The following SPIN1 variants were observed in gnomAD, a reference collection of about 807,000 sequenced individuals.
SPIN1 encodes the protein spindlin-1.
SPIN1 carries 3 observed loss-of-function variants against 26.0 expected under a neutral mutation model. That is an observed-to-expected ratio of 0.12 (90% CI 0.05 to 0.30). The LOEUF (loss-of-function observed/expected upper bound fraction) is 0.30, where lower values mean the gene tolerates loss of function less well. Ranked by LOEUF, SPIN1 falls within the 10% of genes least tolerant of loss-of-function variation. SPIN1 has a pLI of 1.00. For missense variants in SPIN1, 126 were observed against 333.4 expected, an observed-to-expected ratio of 0.38 and a Z score of 4.84; for synonymous variants, 101 against 116.5, an observed-to-expected ratio of 0.87 and a Z score of 0.86.
chr9:88,404,699 T>C (rs1827257248), intron 1 of SPIN1, among the ~76,000 whole-genome samples: 1 of 152,040 alleles, frequency 6.6e-6, no homozygotes, highest in South Asian at 2.1e-4. Flanking sequence ...GCAGATCACC[T>C]GAGGTCAGGA....
chr9:88,414,815 C>G (rs969398836), intron 1 of SPIN1, among the ~76,000 whole-genome samples: 8 of 152,290 alleles, frequency 5.3e-5, no homozygotes, highest in South Asian at 4.2e-4. Flanking sequence ...TTTCTCCTGT[C>G]CAAATCCATG....
At chr9:88,411,456 T>A (rs557376718) in intron 1 of SPIN1, 581 of 1,281,504 alleles carry the variant, frequency 4.5e-4, no homozygotes, top group Non-Finnish European at 2.8e-4. Context: ...GACTTGTGAC[T>A]TAGACATGAT....
At chr9:88,431,585 C>A (rs10868779) in intron 2 of SPIN1, among the ~76,000 whole-genome samples, 29,226 of 152,166 alleles carry the variant, frequency 0.19, 3,700 homozygotes, top group African/African-American at 0.36. Flanking sequence ...CCACTGTGCC[C>A]AGCTTTGAAT....
In SPIN1 at chr9:88,411,501, C is replaced by T. The variant is rs988074948; in HGVS notation, c.-158-14881C>T. ...AAGAGAGACTTTAATGATGCTTCAG[C>T]GTCATCCATGGGCAGAAAGCTTTTT... is the stretch of plus-strand genomic sequence containing the variant. On this transcript the variant is annotated intron_variant, in intron 1 of 5. Transcript: ENST00000375859. The T allele has an allele frequency of 1.3e-4, 108 of 828,206 alleles. No individual in the cohort carries two copies. In the Admixed American group the frequency reaches 2.3e-3, roughly 17 times the overall value. 51.3% of individuals were successfully genotyped at this position (828,206 alleles called of 1,614,324 possible). A position where few individuals can be genotyped will look rare whatever the true frequency, so the allele number is the denominator to read the frequency against.
At chr9:88,439,951 T>TTTA (rs1828085561) in intron 2 of SPIN1, among the ~76,000 whole-genome samples, 1 of 152,176 alleles carries the variant, frequency 6.6e-6, no homozygotes, top group South Asian at 2.1e-4. Flanking sequence ...AATTGGTATA[T>TTTA]TTAGATCAGT....
chr9:88,458,570 G>A (rs146514206), intron 3 of SPIN1, among the ~76,000 whole-genome samples: 2 of 152,150 alleles, frequency 1.3e-5, no homozygotes, highest in East Asian at 1.9e-4. Flanking sequence ...CTGCTAACAG[G>A]TGTGGGAGGG....
intron 1 of SPIN1, among the ~76,000 whole-genome samples, chr9:88,423,825 G>A (rs146322974): frequency 0.021 from 3,112 of 151,660 alleles, 34 homozygotes; most frequent in Non-Finnish European, 0.03. Flanking sequence ...GAGTGCAGTG[G>A]TGTGATCTTG....
Position 88,426,568 on chromosome 9 carries a change from G to C in SPIN1, c.29G>C (p.Gly10Ala). ...AAGACCCCATTCGGAAAGACACCTGGCCAGCGGTCCAGAGCTGATGCAGGT... is the reference window on the plus strand; with the variant it reads ...AAGACCCCATTCGGAAAGACACCTGCCCAGCGGTCCAGAGCTGATGCAGGT... MKTPFGKTP[G>A]QRSRADAGHA... The change falls in exon 2 of 6, where the codon GGC becomes GCC. Residue 10 changes from glycine (G) to alanine (A), a missense_variant. This residue lies in a region of SPIN1 where 63 missense variants were observed against 101.3 expected (regional missense o/e 0.62). Transcript: ENST00000375859. 1.2e-6 allele frequency: 2 copies of C among 1,613,698 alleles called. No homozygotes were observed. Among genetic ancestry groups the C allele is most frequent in the Non-Finnish European group, 1.7e-6 (2 of 1,179,760 alleles).
At chr9:88,471,675 A>AAAAAG in intron 5 of SPIN1, among the ~76,000 whole-genome samples, 1 of 151,274 alleles carries the variant, frequency 6.6e-6, no homozygotes, top group African/African-American at 2.4e-5. Flanking sequence ...AAAAAAAAAA[A>AAAAAG]AAAAGAAAAT....
intron 1 of SPIN1, among the ~76,000 whole-genome samples, chr9:88,415,115 A>G (rs1442427979): frequency 6.6e-6 from 1 of 152,108 alleles, no homozygotes; most frequent in Non-Finnish European, 1.5e-5. Context: ...CGTGTTAGCC[A>G]GGATGGTCTC....
chr9:88,448,439 C>T (rs1286053857), intron 2 of SPIN1, among the ~76,000 whole-genome samples: 1 of 152,144 alleles, frequency 6.6e-6, no homozygotes, highest in Non-Finnish European at 1.5e-5. Flanking sequence ...GCAACCTCGA[C>T]TTCCTGGGCT....
chr9:88,447,629 G>A (rs73652564), intron 2 of SPIN1, among the ~76,000 whole-genome samples: 1 of 152,134 alleles, frequency 6.6e-6, no homozygotes, highest in African/African-American at 2.4e-5. Flanking sequence ...TCAGAATTAT[G>A]TGCAGATTTG....
Position 88,476,238 on chromosome 9 carries a change from A to G in SPIN1, c.*961A>G, listed in dbSNP as rs527703672. The G allele has an allele frequency of 1.8e-4, 28 of 152,352 alleles. No individual in the cohort carries two copies. The highest frequency in any genetic ancestry group is 6.3e-4 in the African/African-American group (26 of 41,586). The allele number at this position is 152,352 out of a possible 1,614,324, so 9.4% of individuals were successfully genotyped here. On this transcript the variant is annotated 3_prime_UTR_variant, in exon 6 of 6. Coordinates refer to ENST00000375859, the MANE Select transcript of SPIN1 (RefSeq NM_006717.3). ...CAGTACATGGATTTAAAAGGCAACA[A>G]TCCATCACTGGTTTGTGTGTTTTTG...
At chr9:88,457,298 G>A (rs898511394) in intron 3 of SPIN1, among the ~76,000 whole-genome samples, 27 of 152,100 alleles carry the variant, frequency 1.8e-4, no homozygotes, top group African/African-American at 6.0e-4. Context: ...GGAGACTGAG[G>A]TGGGGCGGAT....
intron 1 of SPIN1, among the ~76,000 whole-genome samples, chr9:88,414,073 C>T (rs1827511741): frequency 6.6e-6 from 1 of 151,544 alleles, no homozygotes; most frequent in Non-Finnish European, 1.5e-5. Flanking sequence ...TAAGAAGTGA[C>T]ATATAGGGCA....
At chr9:88,440,698 C>G (rs866815694) in intron 2 of SPIN1, among the ~76,000 whole-genome samples, 3 of 151,758 alleles carry the variant, frequency 2.0e-5, no homozygotes, top group Middle Eastern at 3.2e-3. Flanking sequence ...CCCACCTCAG[C>G]CTCCCCAGTA....
At chr9:88,413,065 G>GT (rs148350918) in intron 1 of SPIN1, among the ~76,000 whole-genome samples, 5,407 of 127,954 alleles carry the variant, frequency 0.042, 286 homozygotes, top group African/African-American at 0.13. Flanking sequence ...TTAAAATTAA[G>GT]TTTTTTTTTT....
intron 1 of SPIN1, among the ~76,000 whole-genome samples, chr9:88,417,596 C>T (rs536943945): frequency 1.3e-5 from 2 of 152,230 alleles, no homozygotes; most frequent in East Asian, 1.9e-4. Flanking sequence ...TCTCAGCCTC[C>T]CCTGTAGCTG....
chr9:88,393,957 C>T (rs569177742), intron 1 of SPIN1, among the ~76,000 whole-genome samples: 81 of 152,142 alleles, frequency 5.3e-4, no homozygotes, highest in Non-Finnish European at 5.0e-4. Flanking sequence ...AAGCTATTCT[C>T]CTGGCTCAGC....
Sources: allele counts gnomAD v4.1 joint callset (sites outside exome capture counted in the v4.1 genomes callset), GRCh38; gene constraint gnomAD v4.1.1; regional missense constraint gnomAD v4.1.1; transcripts MANE v1.5; gene names NCBI Gene and HGNC (gene_info 2026-07-23, HGNC 2026-07-21).